Variants in ULK4 observed in about 807,000 individuals in gnomAD.
ULK4 encodes the protein unc-51 like kinase 4, also known as inactive serine/threonine-protein kinase ULK4.
ULK4 carries 133 observed loss-of-function variants against 160.6 expected under a neutral mutation model. That is an observed-to-expected ratio of 0.83 (90% CI 0.72 to 0.96). The LOEUF (loss-of-function observed/expected upper bound fraction) is 0.96, where lower values mean the gene tolerates loss of function less well. Among genes scored for constraint, ULK4 ranks in the 40% least tolerant of loss-of-function variants. ULK4 has a pLI of 0.00. For missense variants in ULK4, 1,580 were observed against 1,499.5 expected (o/e 1.05, Z -0.89); for synonymous variants, 534 against 539.8 (o/e 0.99, Z 0.15).
At position 41,800,263 on chromosome 3, in the gene ULK4, T is replaced by C. The variant is rs1484846620; in HGVS notation, c.1879A>G (p.Lys627Glu). 14 of 1,612,948 alleles carry C rather than the reference T, an allele frequency of 8.7e-6. No individual in the cohort carries two copies. Among genetic ancestry groups the C allele is most frequent in the Admixed American group, 1.7e-5 (1 of 59,720 alleles). Residue 627 changes from lysine to glutamate, a missense_variant, in exon 20 of 37, where the codon AAA becomes GAA. Physicochemically the swap from Lys to Glu is moderately conservative, Grantham distance 56. Transcript: ENST00000301831. ...EERVVNHMAAKIIENVCTTFS... is the reference protein window; with the variant it reads ...EERVVNHMAAEIIENVCTTFS... ...GTGGTACAGACATTTTCAATAATTT[T>C]TGCTGCCATGTGATTCACAACACGC...
intron 18 of ULK4, among the ~76,000 whole-genome samples, chr3:41,831,508 ATTG>A (rs935374719): frequency 8.9e-5 from 12 of 134,756 alleles, no homozygotes; most frequent in Non-Finnish European, 1.7e-4. Context: ...TTACATTTTT[ATTG>A]TTATTTTATA....
At chr3:41,832,932 G>A (rs1346870021) in intron 18 of ULK4, among the ~76,000 whole-genome samples, 2 of 152,130 alleles carry the variant, frequency 1.3e-5, no homozygotes, top group Non-Finnish European at 2.9e-5. Context: ...TTTGGTTACT[G>A]TAGCCTTGTA....
At chr3:41,836,512 C>T (rs1166070414) in intron 17 of ULK4, among the ~76,000 whole-genome samples, 1 of 152,056 alleles carries the variant, frequency 6.6e-6, no homozygotes, top group South Asian at 2.1e-4. Flanking sequence ...ATCACTAATC[C>T]TGAGAGGCAA....
intron 33 of ULK4, among the ~76,000 whole-genome samples, chr3:41,456,881 C>G (rs1191694096): frequency 6.6e-6 from 1 of 152,178 alleles, no homozygotes; most frequent in African/African-American, 2.4e-5. Flanking sequence ...ATTTCAGTTG[C>G]CTGTTTTCTT....
intron 35 of ULK4, among the ~76,000 whole-genome samples, chr3:41,256,613 A>C (rs1169161265): frequency 6.6e-6 from 1 of 152,244 alleles, no homozygotes; most frequent in African/African-American, 2.4e-5. Context: ...CTAAATGTAA[A>C]ATGTAAAAAC....
At chr3:41,625,185 CAG>C (rs1406377523) in intron 30 of ULK4, among the ~76,000 whole-genome samples, 5 of 152,128 alleles carry the variant, frequency 3.3e-5, no homozygotes, top group African/African-American at 1.2e-4. Flanking sequence ...AAGAATAAAA[CAG>C]AATATCCAAG....
chr3:41,759,144 T>C (rs1433614940), intron 21 of ULK4, among the ~76,000 whole-genome samples: 1 of 152,126 alleles, frequency 6.6e-6, no homozygotes, highest in Non-Finnish European at 1.5e-5. Context: ...GTTCATTCTC[T>C]TCACCCATGA....
At chr3:41,421,107 A>AC (rs1372017010) in intron 34 of ULK4, among the ~76,000 whole-genome samples, 20 of 134,310 alleles carry the variant, frequency 1.5e-4, no homozygotes, top group Admixed American at 1.3e-3. Context: ...AATAAGTGAG[A>AC]CCCCATCTCA....
intron 35 of ULK4, among the ~76,000 whole-genome samples, chr3:41,375,978 T>C (rs1237255733): frequency 6.7e-6 from 1 of 150,074 alleles, no homozygotes; most frequent in Non-Finnish European, 1.5e-5. Flanking sequence ...GCAAAGGATA[T>C]GAACAGACAC....
intron 32 of ULK4, among the ~76,000 whole-genome samples, chr3:41,487,023 T>C (rs1052630892): frequency 6.6e-6 from 1 of 152,160 alleles, no homozygotes; most frequent in Admixed American, 6.5e-5. Flanking sequence ...CTAGGAGAAA[T>C]GAAAAGAAAC....
intron 30 of ULK4, among the ~76,000 whole-genome samples, chr3:41,621,068 GACC>G (rs2033222148): frequency 6.6e-6 from 1 of 152,126 alleles, no homozygotes; most frequent in African/African-American, 2.4e-5. Context: ...GGATGTGAAG[GACC>G]TCTTCAAGGA....
chr3:41,342,540 C>T (rs1039367375), intron 35 of ULK4, among the ~76,000 whole-genome samples: 1 of 151,982 alleles, frequency 6.6e-6, no homozygotes, highest in Non-Finnish European at 1.5e-5. Flanking sequence ...AATAGCCTAC[C>T]AACCAAAAAA....
rs35717916 is a variant in ULK4 at position 41,782,156 on chromosome 3, A to ATT, written c.2193+7503_2193+7504dup. On this transcript the variant is annotated intron_variant, in intron 21 of 36. Coordinates refer to ENST00000301831, the MANE Select transcript of ULK4 (RefSeq NM_017886.4). ...CACTTCATCTTCATAGCGATTCTGA[A>ATT]TTTTTTTTTTTTTTTGGGCAAGTTC... Among the ~76,000 whole-genome samples, 685 of 142,998 alleles carry ATT rather than the reference A, an allele frequency of 4.8e-3. 5 individuals carry two copies. Among genetic ancestry groups the ATT allele is most frequent in the African/African-American group, 0.015 (602 of 39,438 alleles). The allele number at this position is 142,998 out of a possible 152,430, so 93.8% of individuals were successfully genotyped here.
intron 22 of ULK4, among the ~76,000 whole-genome samples, chr3:41,751,119 T>C (rs1021904614): frequency 9.9e-5 from 15 of 151,184 alleles, no homozygotes; most frequent in Admixed American, 9.2e-4. Context: ...CTGGGACAAA[T>C]CTCTGCCTAT....
chr3:41,934,718 A>G (rs984188941), intron 4 of ULK4, among the ~76,000 whole-genome samples: 4 of 152,198 alleles, frequency 2.6e-5, no homozygotes, highest in African/African-American at 7.2e-5. Flanking sequence ...ACTATACTGA[A>G]GCACATTTAG....
At chr3:41,865,581 A>G (rs978258472) in intron 17 of ULK4, among the ~76,000 whole-genome samples, 2 of 152,092 alleles carry the variant, frequency 1.3e-5, no homozygotes, top group African/African-American at 2.4e-5. Context: ...TATTACTTCA[A>G]CTTCCTCTCT....
intron 17 of ULK4, among the ~76,000 whole-genome samples, chr3:41,838,725 G>C (rs1449035971): frequency 2.6e-5 from 4 of 152,062 alleles, no homozygotes; most frequent in African/African-American, 9.7e-5. Flanking sequence ...CTCAACAAAA[G>C]AGCTGCCAAA....
chr3:41,824,898 A>C (rs1056522514), intron 18 of ULK4, among the ~76,000 whole-genome samples: 1 of 152,178 alleles, frequency 6.6e-6, no homozygotes, highest in African/African-American at 2.4e-5. Context: ...CGAATAGACT[A>C]ACTGGGAGGC....
rs376172052 is a variant in ULK4, at chr3:41,513,881, G to T, written c.3227-50628C>A. ...TACAGTGCACACTGCTTGGGTGATG[G>T]ATGCATCATAATCTCAAAAATCACC... On this transcript the variant is annotated intron_variant, in intron 32 of 36. Coordinates refer to ENST00000301831, the MANE Select transcript of ULK4 (RefSeq NM_017886.4). Among the ~76,000 whole-genome samples, 19 of 152,186 alleles carry T rather than the reference G, an allele frequency of 1.2e-4. No homozygotes were observed. In the East Asian group the frequency reaches 3.5e-3, roughly 28 times the overall value.
Sources: allele counts gnomAD v4.1 joint callset (sites outside exome capture counted in the v4.1 genomes callset), GRCh38; gene constraint gnomAD v4.1.1; transcripts MANE v1.5; gene names NCBI Gene and HGNC (gene_info 2026-07-23, HGNC 2026-07-21).